MACROD2: variants seen among roughly 807,000 people sequenced by gnomAD.
MACROD2 encodes the protein ADP-ribose glycohydrolase MACROD2.
A neutral mutation model predicts 70.4 loss-of-function variants in MACROD2; 36 were observed. The observed-to-expected ratio is 0.51, with a 90% CI of 0.39 to 0.68. The LOEUF (loss-of-function observed/expected upper bound fraction) is 0.68. Among genes scored for constraint, MACROD2 ranks in the 30% least tolerant of loss-of-function variants. The probability of loss-of-function intolerance (pLI) is 0.00; values close to 1 mark genes in which losing one functional copy is unlikely to be tolerated. For synonymous variants in MACROD2, 172 were observed against 178.8 expected, an observed-to-expected ratio of 0.96 and a Z score of 0.30; for missense variants, 496 against 538.4, an observed-to-expected ratio of 0.92 and a Z score of 0.78.
At chr20:15,750,572 T>A (rs549688944) in intron 8 of MACROD2, among the ~76,000 whole-genome samples, 17 of 148,544 alleles carry the variant, frequency 1.1e-4, no homozygotes, top group Admixed American at 8.0e-4. Context: ...AAAAAAAAAA[T>A]ATAGAAATAC....
intron 5 of MACROD2, among the ~76,000 whole-genome samples, chr20:15,207,902 T>A (rs538007237): frequency 6.6e-6 from 1 of 152,364 alleles, no homozygotes; most frequent in South Asian, 2.1e-4. Context: ...TCCTTTTTGT[T>A]GTATTCAGTT....
chr20:15,556,830 G>A lies in MACROD2; in HGVS notation c.645+56983G>A, dbSNP rs2048174653. ...ACTTCTCTCTCTTTCTTGATTGATG[G>A]TAATTTGCTACAGTGAACTTGAATC... is the stretch of plus-strand genomic sequence containing the variant. On this transcript the variant is annotated intron_variant, in intron 8 of 17. Transcript: ENST00000684519. 1.3e-5 allele frequency among the ~76,000 whole-genome samples: 2 copies of A among 152,230 alleles called. 1 individual carries two copies. The highest frequency in any genetic ancestry group is 4.2e-4 in the South Asian group (2 of 4,818).
chr20:14,733,344 G>C (rs1311015406), intron 5 of MACROD2, among the ~76,000 whole-genome samples: 1 of 152,136 alleles, frequency 6.6e-6, no homozygotes, highest in Non-Finnish European at 1.5e-5. Flanking sequence ...TGGTGATAGT[G>C]AACAGGTACA....
chr20:15,285,930 A>G (rs2077487016), intron 6 of MACROD2, among the ~76,000 whole-genome samples: 1 of 152,110 alleles, frequency 6.6e-6, no homozygotes, highest in South Asian at 2.1e-4. Flanking sequence ...ATTCTAAATG[A>G]TTAATCAAAA....
At chr20:15,249,224 A>G (rs1245281921) in intron 6 of MACROD2, among the ~76,000 whole-genome samples, 4 of 152,140 alleles carry the variant, frequency 2.6e-5, no homozygotes, top group Admixed American at 2.0e-4. Context: ...TCAGGAGGTT[A>G]TCTGTGGCTA....
chr20:13,996,191 C>T (rs1164524646), intron 1 of MACROD2: 1 of 242,072 alleles, frequency 4.1e-6, no homozygotes, highest in Non-Finnish European at 7.8e-6. Context: ...GCCTGGGTGT[C>T]CCGCGGACAG....
chr20:15,551,828 C>A (rs2048101706), intron 8 of MACROD2, among the ~76,000 whole-genome samples: 1 of 149,996 alleles, frequency 6.7e-6, no homozygotes. Context: ...GAACTAGCAT[C>A]CCTGCACTCC....
At chr20:15,002,369 G>A (rs2075002896) in intron 5 of MACROD2, among the ~76,000 whole-genome samples, 1 of 152,110 alleles carries the variant, frequency 6.6e-6, no homozygotes, top group Admixed American at 6.5e-5. Flanking sequence ...GATCATTCAT[G>A]ATGTTGAGCA....
intron 5 of MACROD2, among the ~76,000 whole-genome samples, chr20:14,996,884 A>C (rs1316575472): frequency 1.3e-5 from 2 of 152,204 alleles, no homozygotes; most frequent in Non-Finnish European, 2.9e-5. Flanking sequence ...GAAGTGCTCC[A>C]TTGTAGTCCT....
At chr20:15,695,373 T>C (rs1300493033) in intron 8 of MACROD2, among the ~76,000 whole-genome samples, 2 of 152,004 alleles carry the variant, frequency 1.3e-5, no homozygotes, top group African/African-American at 4.8e-5. Flanking sequence ...TCCATTTGTT[T>C]GTGTAGTCTT....
At chr20:15,512,680 C>T (rs531875019) in intron 8 of MACROD2, among the ~76,000 whole-genome samples, 10 of 152,218 alleles carry the variant, frequency 6.6e-5, no homozygotes, top group Non-Finnish European at 1.0e-4. Context: ...TTACTGAAGC[C>T]GGTTTACACC....
intron 5 of MACROD2, among the ~76,000 whole-genome samples, chr20:14,812,323 GA>G (rs1357753764): frequency 6.6e-6 from 1 of 151,976 alleles, no homozygotes; most frequent in Non-Finnish European, 1.5e-5. Context: ...CACAGGAAGA[GA>G]AAACCAAACA....
intron 8 of MACROD2, among the ~76,000 whole-genome samples, chr20:15,607,636 C>T (rs1033963286): frequency 2.6e-5 from 4 of 152,168 alleles, no homozygotes; most frequent in African/African-American, 9.7e-5. Flanking sequence ...CGGGTTCAAG[C>T]GATTCTCCCA....
At chr20:15,353,251 G>C (rs537384167) in intron 6 of MACROD2, among the ~76,000 whole-genome samples, 4 of 152,144 alleles carry the variant, frequency 2.6e-5, no homozygotes, top group African/African-American at 9.7e-5. Flanking sequence ...AAGAAATGGC[G>C]AAAGGATTCC....
chr20:15,100,618 T>C (rs963674002), intron 5 of MACROD2, among the ~76,000 whole-genome samples: 1 of 152,166 alleles, frequency 6.6e-6, no homozygotes, highest in Non-Finnish European at 1.5e-5. Context: ...AAGAGTTCAT[T>C]TGAAGGAGAA....
At chr20:14,953,862 G>A (rs1299279522) in intron 5 of MACROD2, among the ~76,000 whole-genome samples, 6 of 152,152 alleles carry the variant, frequency 3.9e-5, no homozygotes, top group Admixed American at 2.0e-4. Context: ...CAATTCATAA[G>A]GAGAATTTAC....
At chr20:15,310,170 T>C (rs1397518372) in intron 6 of MACROD2, among the ~76,000 whole-genome samples, 2 of 152,232 alleles carry the variant, frequency 1.3e-5, no homozygotes, top group African/African-American at 2.4e-5. Context: ...ATTTATAAGG[T>C]GCCTGGCAGA....
At chr20:15,868,309 C>A (rs565237602) in intron 9 of MACROD2, among the ~76,000 whole-genome samples, 1 of 152,280 alleles carries the variant, frequency 6.6e-6, no homozygotes, top group Admixed American at 6.5e-5. Flanking sequence ...CCTCTCTGTT[C>A]ACTCTGTACC....
At chr20:14,951,915 AT>A (rs11468856) in intron 5 of MACROD2, among the ~76,000 whole-genome samples, 6,499 of 133,546 alleles carry the variant, frequency 0.049, 152 homozygotes, top group Admixed American at 0.06. Context: ...CAGCTTCTCC[AT>A]TTTTTTTTTT....
Sources: allele counts gnomAD v4.1 joint callset (sites outside exome capture counted in the v4.1 genomes callset), GRCh38; gene constraint gnomAD v4.1.1; transcripts MANE v1.5; gene names NCBI Gene and HGNC (gene_info 2026-07-23, HGNC 2026-07-21).